Variants in CACNA1A observed in about 807,000 individuals in gnomAD.
CACNA1A encodes voltage-dependent P/Q-type calcium channel subunit alpha-1A.
Under a neutral mutation model 262.4 loss-of-function variants are expected in CACNA1A, and 57 were observed. That is an observed-to-expected ratio of 0.22 (90% CI 0.18 to 0.27). The LOEUF (loss-of-function observed/expected upper bound fraction) is 0.27. Among genes scored for constraint, CACNA1A ranks in the 10% least tolerant of loss-of-function variants. The probability of loss-of-function intolerance (pLI) is 1.00; values close to 1 mark genes in which losing one functional copy is unlikely to be tolerated. For missense variants in CACNA1A, 2,526 were observed against 3,562.8 expected (o/e 0.71, Z 7.41); for synonymous variants, 1,431 against 1,419.3 (o/e 1.01, Z -0.18).
At chr19:13,245,703 G>A (rs1346474382) in intron 30 of CACNA1A, 8 of 140,570 alleles carry the variant, frequency 5.7e-5, no homozygotes, top group Non-Finnish European at 8.6e-5. Context: ...ATGGAGTCTC[G>A]CTCAGTCATC....
intron 6 of CACNA1A, among the ~76,000 whole-genome samples, chr19:13,348,703 G>A (rs2058842065): frequency 6.6e-6 from 1 of 152,154 alleles, no homozygotes; most frequent in South Asian, 2.1e-4. Flanking sequence ...GGGCGTGTTG[G>A]TGCATGCCTG....
intron 1 of CACNA1A, among the ~76,000 whole-genome samples, chr19:13,458,474 A>G (rs1224931541): frequency 6.9e-6 from 1 of 145,756 alleles, no homozygotes; most frequent in Non-Finnish European, 1.5e-5. Context: ...TAAAATGGTT[A>G]ATTGTGTTAT....
At chr19:13,377,693 G>T (rs2059443572) in intron 3 of CACNA1A, among the ~76,000 whole-genome samples, 1 of 152,104 alleles carries the variant, frequency 6.6e-6, no homozygotes, top group Non-Finnish European at 1.5e-5. Context: ...CATGGATCAA[G>T]AAGTAATTCT....
intron 1 of CACNA1A, among the ~76,000 whole-genome samples, chr19:13,477,072 C>T (rs534165439): frequency 6.6e-6 from 1 of 152,132 alleles, no homozygotes; most frequent in African/African-American, 2.4e-5. Context: ...TATCCTTGCA[C>T]CTTCCCTCTC....
chr19:13,481,930 G>A (rs760188843), intron 1 of CACNA1A, among the ~76,000 whole-genome samples: 1 of 152,046 alleles, frequency 6.6e-6, no homozygotes, highest in African/African-American at 2.4e-5. Context: ...CAGGGGCACA[G>A]ACTGCCTGCA....
chr19:13,326,232 T>C (rs1300603449), intron 10 of CACNA1A, among the ~76,000 whole-genome samples: 3 of 151,758 alleles, frequency 2.0e-5, no homozygotes, highest in African/African-American at 7.3e-5. Flanking sequence ...GGAGAATCGC[T>C]TGAACCTGGA....
chr19:13,443,039 T>G (rs1363114406), intron 3 of CACNA1A, among the ~76,000 whole-genome samples: 3 of 149,964 alleles, frequency 2.0e-5, no homozygotes, highest in Non-Finnish European at 3.0e-5. Flanking sequence ...CATGTTGAAA[T>G]TTGTTTTATT....
chr19:13,387,911 A>G (rs2059642709), intron 3 of CACNA1A, among the ~76,000 whole-genome samples: 1 of 152,184 alleles, frequency 6.6e-6, no homozygotes, highest in Admixed American at 6.5e-5. Context: ...TGAGAATAAC[A>G]CAGCAACCCC....
intron 30 of CACNA1A, among the ~76,000 whole-genome samples, chr19:13,248,679 C>T (rs955715137): frequency 4.6e-5 from 7 of 151,914 alleles, no homozygotes; most frequent in Non-Finnish European, 8.8e-5. Context: ...CCCGTCTCTG[C>T]TAAAAATACA....
At chr19:13,250,402 T>G (rs1437124643) in intron 30 of CACNA1A, among the ~76,000 whole-genome samples, 1 of 150,086 alleles carries the variant, frequency 6.7e-6, no homozygotes, top group Non-Finnish European at 1.5e-5. Context: ...TTAATTTAAT[T>G]TATTTATTTA....
chr19:13,439,748 G>A (rs1036673596), intron 3 of CACNA1A, among the ~76,000 whole-genome samples: 7 of 151,938 alleles, frequency 4.6e-5, no homozygotes, highest in Middle Eastern at 3.4e-3. Context: ...AACACTGACC[G>A]GCTATCTTAG....
At chr19:13,238,848 A>G (rs2055970583) in intron 31 of CACNA1A, among the ~76,000 whole-genome samples, 1 of 152,028 alleles carries the variant, frequency 6.6e-6, no homozygotes, top group South Asian at 2.1e-4. Context: ...CAGCCTCCCA[A>G]AGTGCTGGGA....
At chr19:13,281,455 T>G (rs1600234692) in intron 22 of CACNA1A, among the ~76,000 whole-genome samples, 1 of 137,430 alleles carries the variant, frequency 7.3e-6, no homozygotes, top group Non-Finnish European at 1.6e-5. Context: ...GAAGCTGGGG[T>G]CGTGGTTACC....
At chr19:13,278,833 T>C (rs987156856) in intron 22 of CACNA1A, among the ~76,000 whole-genome samples, 1 of 152,162 alleles carries the variant, frequency 6.6e-6, no homozygotes, top group African/African-American at 2.4e-5. Context: ...TATGTGGTGC[T>C]TGAAGAGGAA....
In CACNA1A at chr19:13,442,494, T is replaced by C. The variant is rs1320769627; in HGVS notation, c.539+10382A>G. 2.0e-5 allele frequency among the ~76,000 whole-genome samples: 3 copies of C among 152,204 alleles called. No individual in the cohort carries two copies. The South Asian group carries it at 6.2e-4, about 32-fold the overall frequency. The stretch of plus-strand genomic sequence containing the variant: ...TACCAAGAGGAAGCTGCAGGTGAAC[T>C]TAGACGTAAGCTAGGTAAATAAGGC... On this transcript the variant is annotated intron_variant, in intron 3 of 46. Coordinates refer to ENST00000360228, the MANE Select transcript of CACNA1A (RefSeq NM_001127222.2).
At chr19:13,298,485 G>A in intron 19 of CACNA1A, 59 bp downstream of exon 19, 1 of 1,399,770 alleles carries the variant, frequency 7.1e-7, no homozygotes, top group African/African-American at 1.5e-5. Flanking sequence ...GTGCTACTTT[G>A]GCTGTTGTCA....
chr19:13,302,785 G>A (rs1486724340), intron 17 of CACNA1A, among the ~76,000 whole-genome samples: 1 of 152,236 alleles, frequency 6.6e-6, no homozygotes, highest in African/African-American at 2.4e-5. Context: ...TCCACTGGGA[G>A]CTGGGGCCGG....
In CACNA1A at chr19:13,208,693, C is replaced by A. The variant is rs1440086583; in HGVS notation, c.6780+63G>T. The A allele has an allele frequency of 2.7e-6, 4 of 1,497,030 alleles. No homozygotes were observed. In the South Asian group the frequency reaches 5.2e-5, roughly 19 times the overall value. The allele number at this position is 1,497,030 out of a possible 1,614,324, so 92.7% of individuals were successfully genotyped here. On this transcript the variant is annotated intron_variant, in intron 46 of 46. Transcript: ENST00000360228. Reference sequence around the variant, plus strand: ...CTAGAGTGGCTGTTGGATGGGGTATCCCCTTCTCTCCTCCCCGCCTCCCGG... The same window carrying A: ...CTAGAGTGGCTGTTGGATGGGGTATACCCTTCTCTCCTCCCCGCCTCCCGG...
chr19:13,428,456 A>G (rs939549580), intron 3 of CACNA1A, among the ~76,000 whole-genome samples: 1 of 152,184 alleles, frequency 6.6e-6, no homozygotes, highest in African/African-American at 2.4e-5. Flanking sequence ...CAATTTTGGA[A>G]TGAATGAAGT....
Sources: allele counts gnomAD v4.1 joint callset (sites outside exome capture counted in the v4.1 genomes callset), GRCh38; gene constraint gnomAD v4.1.1; transcripts MANE v1.5; gene names NCBI Gene and HGNC (gene_info 2026-07-23, HGNC 2026-07-21).